Variants in VDR observed in about 807,000 individuals in gnomAD.
VDR encodes vitamin D3 receptor.
A neutral mutation model predicts 39.7 loss-of-function variants in VDR; 19 were observed. The observed-to-expected ratio is 0.48, with a 90% confidence interval of 0.33 to 0.70. The LOEUF (loss-of-function observed/expected upper bound fraction) is 0.70. Ranked by LOEUF, VDR falls within the 30% of genes least tolerant of loss-of-function variation. The pLI, the probability that VDR is intolerant of heterozygous loss-of-function variation, is 0.02. For missense variants in VDR, 442 were observed against 570.5 expected, an observed-to-expected ratio of 0.77 and a Z score of 2.29; for synonymous variants, 242 against 215.8, an observed-to-expected ratio of 1.12 and a Z score of -1.07.
chr12:47,898,498 A>G (rs1412620130), intron 1 of VDR: 1 of 152,632 alleles, frequency 6.6e-6, no homozygotes, highest in Non-Finnish European at 1.5e-5. Context: ...AGCAATTCCA[A>G]CCCTAGGTAT....
At chr12:47,855,880 C>T in intron 6 of VDR, 79 bp from the exon 7 acceptor site, 1 of 1,565,620 alleles carries the variant, frequency 6.4e-7, no homozygotes, top group South Asian at 1.1e-5. Flanking sequence ...CTGCAAAAAC[C>T]TGGTGTGCCC....
chr12:47,902,438 G>T (rs11574024), intron 1 of VDR, among the ~76,000 whole-genome samples: 9,510 of 152,282 alleles, frequency 0.062, 397 homozygotes, highest in Non-Finnish European at 0.092. Context: ...GGCTCAAACT[G>T]TCTTGGAGTC....
At chr12:47,867,409 T>TTGTG (rs10559544) in intron 3 of VDR, among the ~76,000 whole-genome samples, 10 of 150,834 alleles carry the variant, frequency 6.6e-5, no homozygotes, top group Non-Finnish European at 1.2e-4. Flanking sequence ...CCTATGTAAG[T>TTGTG]TGTGTGTGTG....
chr12:47,857,499 C>T lies in VDR; in HGVS notation c.462+5G>A, dbSNP rs777435722. On this transcript the variant is annotated splice_donor_5th_base_variant and intron_variant, in intron 5 of 9. Transcript: ENST00000549336. ...CCGGCTCATCCTCCCAGCAGGCAGA[C>T]ATACCCGGAACTGGCAGAAGTCGGA... The T allele has an allele frequency of 8.1e-6, 13 of 1,614,080 alleles. No homozygotes were observed. In the East Asian group the frequency reaches 2.4e-4, roughly 30 times the overall value.
chr12:47,876,780 T>A (rs1317239776), intron 3 of VDR, among the ~76,000 whole-genome samples: 2 of 152,336 alleles, frequency 1.3e-5, no homozygotes, highest in East Asian at 3.9e-4. Flanking sequence ...TCCTGAGGAT[T>A]CCCAGCCTAG....
intron 3 of VDR, among the ~76,000 whole-genome samples, chr12:47,872,863 G>C (rs1945912480): frequency 6.6e-6 from 1 of 152,160 alleles, no homozygotes; most frequent in Non-Finnish European, 1.5e-5. Flanking sequence ...AAGCTTTCTA[G>C]GTCAGTATTT....
In VDR at chr12:47,844,600, A is replaced by T. The variant is rs1397417917; in HGVS notation, c.*146T>A. On this transcript the variant is annotated 3_prime_UTR_variant, in exon 10 of 10. Coordinates refer to ENST00000549336, the MANE Select transcript of VDR (RefSeq NM_000376.3). ...GGGGTTAGGTTGGACAGGAGAGAGA[A>T]TGGGCTGGGTGGATAGGGGAGGTGG... is the stretch of plus-strand genomic sequence containing the variant. 9.1e-7 allele frequency: 1 copy of T among 1,102,294 alleles called. No individual in the cohort carries two copies. Among genetic ancestry groups the T allele is most frequent in the Non-Finnish European group, 1.3e-6 (1 of 762,782 alleles). 68.3% of individuals were successfully genotyped at this position (1,102,294 alleles called of 1,614,324 possible). A position where few individuals can be genotyped will look rare whatever the true frequency, so the allele number is the denominator to read the frequency against.
intron 3 of VDR, among the ~76,000 whole-genome samples, chr12:47,870,002 AGAG>A (rs1046626728): frequency 5.9e-5 from 9 of 152,238 alleles, no homozygotes; most frequent in African/African-American, 2.2e-4. Context: ...CTGAAAAGGA[AGAG>A]GACACCATTA....
At chr12:47,901,749 C>A (rs111963120) in intron 1 of VDR, among the ~76,000 whole-genome samples, 4 of 152,166 alleles carry the variant, frequency 2.6e-5, no homozygotes, top group Admixed American at 2.0e-4. Flanking sequence ...AAACGTGAGG[C>A]CCAGTCTTGG....
At chr12:47,899,853 G>A in intron 1 of VDR, 1 of 953,560 alleles carries the variant, frequency 1.0e-6, no homozygotes, top group Non-Finnish European at 1.2e-6. Context: ...GAGAAGCTAT[G>A]AGGATTGAGG....
intron 3 of VDR, among the ~76,000 whole-genome samples, chr12:47,873,048 G>A (rs1374145430): frequency 1.3e-5 from 2 of 152,194 alleles, no homozygotes; most frequent in African/African-American, 4.8e-5. Context: ...GACTGATATG[G>A]TTTGGCTCTG....
chr12:47,854,425 G>A (rs1297581301), intron 7 of VDR, among the ~76,000 whole-genome samples: 2 of 152,118 alleles, frequency 1.3e-5, no homozygotes, highest in Admixed American at 1.3e-4. Flanking sequence ...TGCCCAGCCA[G>A]GAAATGGTCT....
intron 4 of VDR, among the ~76,000 whole-genome samples, chr12:47,863,859 C>T (rs969616654): frequency 6.6e-6 from 1 of 152,212 alleles, no homozygotes; most frequent in Non-Finnish European, 1.5e-5. Context: ...CTCAGCTCTG[C>T]CTCTGTGTCC....
intron 1 of VDR, among the ~76,000 whole-genome samples, chr12:47,902,315 C>T (rs1439157812): frequency 2.0e-5 from 3 of 152,204 alleles, no homozygotes; most frequent in African/African-American, 4.8e-5. Flanking sequence ...AGCAAAATGA[C>T]AAGCAAGGCC....
intron 2 of VDR, among the ~76,000 whole-genome samples, chr12:47,882,100 A>G (rs1166749609): frequency 6.6e-6 from 1 of 152,218 alleles, no homozygotes; most frequent in Non-Finnish European, 1.5e-5. Flanking sequence ...GTGGAACAAC[A>G]TACTACCACA....
intron 3 of VDR, among the ~76,000 whole-genome samples, chr12:47,867,217 G>C (rs767827900): frequency 7.2e-5 from 11 of 152,128 alleles, no homozygotes; most frequent in Non-Finnish European, 1.5e-4. Flanking sequence ...AGCCGGGCAC[G>C]GTGGCACATG....
In VDR at chr12:47,844,684, C is replaced by T. The variant is rs1375259563; in HGVS notation, c.*62G>A. ...AGGGCTGCTGAGTAGCCGCCAGCCC[C>T]GGGCCTGGCACGTGGCCCTGGAGGA... On this transcript the variant is annotated 3_prime_UTR_variant, in exon 10 of 10. Coordinates refer to ENST00000549336, the MANE Select transcript of VDR (RefSeq NM_000376.3). 80 of 1,609,130 alleles carry T rather than the reference C, an allele frequency of 5.0e-5. No individual in the cohort carries two copies. The highest frequency in any genetic ancestry group is 4.7e-4 in the South Asian group (43 of 90,838).
chr12:47,847,540 C>A (rs1177311771), intron 7 of VDR, among the ~76,000 whole-genome samples: 6 of 152,136 alleles, frequency 3.9e-5, no homozygotes, highest in African/African-American at 1.4e-4. Flanking sequence ...CAGCATCATG[C>A]CACTCCACAT....
At chr12:47,870,125 G>A (rs1377812656) in intron 3 of VDR, among the ~76,000 whole-genome samples, 1 of 152,280 alleles carries the variant, frequency 6.6e-6, no homozygotes, top group South Asian at 2.1e-4. Flanking sequence ...GGCCTTTCAG[G>A]TGTGTCTGGC....
Sources: gnomAD v4.1 joint callset for allele counts (sites outside exome capture counted in the v4.1 genomes callset) on GRCh38, gnomAD v4.1.1 for gene constraint, MANE v1.5 for transcripts, NCBI Gene and HGNC (gene_info 2026-07-23, HGNC 2026-07-21) for gene names.